PDE4D: variants seen among roughly 807,000 people sequenced by gnomAD.
PDE4D encodes 3',5'-cyclic-AMP phosphodiesterase 4D.
Under a neutral mutation model 87.4 loss-of-function variants are expected in PDE4D, and 24 were observed. The ratio of observed to expected loss-of-function variants is 0.27; its 90% confidence interval spans 0.20 to 0.39. The LOEUF (loss-of-function observed/expected upper bound fraction) is 0.39. Among genes scored for constraint, PDE4D ranks in the 10% least tolerant of loss-of-function variants. The probability of loss-of-function intolerance (pLI) is 1.00; values close to 1 mark genes in which losing one functional copy is unlikely to be tolerated. For missense variants in PDE4D, 714 were observed against 1,041.0 expected (o/e 0.69, Z 4.32); for synonymous variants, 384 against 383.2 (o/e 1.00, Z -0.02).
intron 1 of PDE4D, among the ~76,000 whole-genome samples, chr5:60,500,256 C>T (rs1750008036): frequency 6.6e-6 from 1 of 152,028 alleles, no homozygotes; most frequent in African/African-American, 2.4e-5. Flanking sequence ...GTGAGCCATC[C>T]ATGATTGTGC....
chr5:60,255,721 TCA>T (rs1748982916), intron 1 of PDE4D, among the ~76,000 whole-genome samples: 1 of 151,816 alleles, frequency 6.6e-6, no homozygotes. Context: ...GTGCAGTGGC[TCA>T]CACCTTTAAT....
chr5:59,209,061 T>G (rs1378827335), intron 2 of PDE4D, among the ~76,000 whole-genome samples: 1 of 152,158 alleles, frequency 6.6e-6, no homozygotes, highest in African/African-American at 2.4e-5. Context: ...CTAACAGAAT[T>G]AAGAAAAAGA....
At chr5:60,277,551 C>A (rs187721626) in intron 1 of PDE4D, among the ~76,000 whole-genome samples, 152 of 152,104 alleles carry the variant, frequency 1.0e-3, no homozygotes, top group Non-Finnish European at 1.0e-3. Flanking sequence ...ATGTAATGTA[C>A]TAGCATGAGG....
chr5:59,966,763 C>T (rs1760100446), intron 3 of PDE4D, among the ~76,000 whole-genome samples: 2 of 152,106 alleles, frequency 1.3e-5, no homozygotes, highest in African/African-American at 4.8e-5. Flanking sequence ...TAATCTGTGG[C>T]AGTTTAATAA....
chr5:59,167,946 A>G (rs954813303), intron 5 of PDE4D, among the ~76,000 whole-genome samples: 3 of 152,184 alleles, frequency 2.0e-5, no homozygotes, highest in South Asian at 2.1e-4. Flanking sequence ...TCTGTGTTCA[A>G]TATGCAAACA....
At chr5:59,612,237 T>TG (rs1554042510) in intron 1 of PDE4D, among the ~76,000 whole-genome samples, 8 of 150,396 alleles carry the variant, frequency 5.3e-5, no homozygotes, top group Non-Finnish European at 1.2e-4. Context: ...ACACTGTTTT[T>TG]TTTGTTTGTT....
At chr5:59,965,067 A>G (rs1759888706) in intron 3 of PDE4D, among the ~76,000 whole-genome samples, 1 of 152,030 alleles carries the variant, frequency 6.6e-6, no homozygotes, top group African/African-American at 2.4e-5. Flanking sequence ...GTGCCCATAT[A>G]CTCTACGTTC....
In PDE4D at chr5:59,358,413, G is replaced by A. The variant is rs142338896; in HGVS notation, c.456-142445C>T. ...GCTTTTGTATAGAGATCCAAATTTC[G>A]CATGAGCAAAACAGGTAGCCACTTT... On this transcript the variant is annotated intron_variant, in intron 1 of 14. Coordinates refer to ENST00000340635, the MANE Select transcript of PDE4D (RefSeq NM_001104631.2). 3.0e-4 allele frequency among the ~76,000 whole-genome samples: 46 copies of A among 152,234 alleles called. No individual in the cohort carries two copies. In the East Asian group the frequency reaches 5.6e-3, roughly 19 times the overall value.
intron 1 of PDE4D, among the ~76,000 whole-genome samples, chr5:60,461,606 A>G (rs1343256887): frequency 6.6e-6 from 1 of 152,234 alleles, no homozygotes; most frequent in African/African-American, 2.4e-5. Flanking sequence ...CTGATTCTCC[A>G]ACAAACCAAA....
At chr5:59,283,496 CTT>C (rs149345500) in intron 1 of PDE4D, among the ~76,000 whole-genome samples, 279 of 152,182 alleles carry the variant, frequency 1.8e-3, no homozygotes, top group Non-Finnish European at 3.3e-3. Flanking sequence ...CAATTTCAGC[CTT>C]TTTTGTGTGT....
In PDE4D at chr5:59,340,127, A is replaced by AT. The variant is rs559607664; in HGVS notation, c.456-124160dup. On this transcript the variant is annotated intron_variant, in intron 1 of 14. Transcript: ENST00000340635. Reference sequence around the variant, plus strand: ...CTGGCACACTCTACAGAAAGTTCCAATTTTTTTTCCCTAGAAACAAGCACA... The same window carrying AT: ...CTGGCACACTCTACAGAAAGTTCCAATTTTTTTTTCCCTAGAAACAAGCACA... Among the ~76,000 whole-genome samples, 500 of 151,978 alleles carry AT rather than the reference A, an allele frequency of 3.3e-3. 2 individuals are homozygous for AT. The highest frequency in any genetic ancestry group is 3.5e-3 in the Non-Finnish European group (236 of 67,956).
chr5:59,356,097 T>C (rs1189948619), intron 1 of PDE4D, among the ~76,000 whole-genome samples: 2 of 152,210 alleles, frequency 1.3e-5, no homozygotes, highest in African/African-American at 2.4e-5. Context: ...ATCTTCTCTT[T>C]ATTAACACCT....
intron 1 of PDE4D, among the ~76,000 whole-genome samples, chr5:60,214,249 G>A (rs982826485): frequency 1.3e-5 from 2 of 152,160 alleles, no homozygotes; most frequent in Non-Finnish European, 2.9e-5. Flanking sequence ...CCAAGGAAAC[G>A]TCAACGGTGT....
At chr5:59,429,504 G>T (rs1795794073) in intron 1 of PDE4D, among the ~76,000 whole-genome samples, 1 of 152,120 alleles carries the variant, frequency 6.6e-6, no homozygotes, top group African/African-American at 2.4e-5. Flanking sequence ...ATTAGAAAAA[G>T]AAAAGTAGAA....
At chr5:59,027,734 A>G (rs886993245) in intron 6 of PDE4D, among the ~76,000 whole-genome samples, 1 of 152,074 alleles carries the variant, frequency 6.6e-6, no homozygotes, top group South Asian at 2.1e-4. Context: ...TGGCACTACA[A>G]GATGCTCCAG....
rs565139309 is a variant in PDE4D, at chr5:59,268,243, G to A, written c.456-52275C>T. On this transcript the variant is annotated intron_variant, in intron 1 of 14. Coordinates refer to ENST00000340635, the MANE Select transcript of PDE4D (RefSeq NM_001104631.2). Reference sequence around the variant, plus strand: ...GAGCCAATCCCCTTAGAAGGCTTAGGACAGATAATAAATACTTACAATATT... The same window carrying A: ...GAGCCAATCCCCTTAGAAGGCTTAGAACAGATAATAAATACTTACAATATT... Among the ~76,000 whole-genome samples the A allele has an allele frequency of 3.9e-5, 6 of 151,988 alleles. 1 individual carries two copies. In the South Asian group the frequency reaches 1.2e-3, roughly 32 times the overall value.
At chr5:59,296,818 G>A (rs1024811237) in intron 1 of PDE4D, among the ~76,000 whole-genome samples, 18 of 151,804 alleles carry the variant, frequency 1.2e-4, no homozygotes, top group Non-Finnish European at 2.9e-5. Flanking sequence ...CACGTAAAAA[G>A]CAAGGTTAAA....
intron 5 of PDE4D, among the ~76,000 whole-genome samples, chr5:59,172,176 A>T (rs1427644743): frequency 5.5e-5 from 6 of 108,302 alleles, no homozygotes; most frequent in Non-Finnish European, 8.4e-5. Context: ...ATATATGTAT[A>T]TAATATATAA....
intron 1 of PDE4D, among the ~76,000 whole-genome samples, chr5:59,689,746 A>C (rs556675718): frequency 2.6e-4 from 40 of 152,306 alleles, no homozygotes; most frequent in African/African-American, 9.6e-4. Context: ...GAAAGAAATA[A>C]AGGGTATTCA....
Sources: gnomAD v4.1 joint callset for allele counts (sites outside exome capture counted in the v4.1 genomes callset) on GRCh38, gnomAD v4.1.1 for gene constraint, MANE v1.5 for transcripts, NCBI Gene and HGNC (gene_info 2026-07-23, HGNC 2026-07-21) for gene names.